Variants in ABCB5 observed in about 807,000 individuals in gnomAD.
ABCB5 encodes the protein ATP-binding cassette sub-family B member 5.
ABCB5 carries 155 observed loss-of-function variants against 144.2 expected under a neutral mutation model. The observed-to-expected ratio is 1.08, with a 90% confidence interval of 0.94 to 1.23. The LOEUF (loss-of-function observed/expected upper bound fraction) is 1.23, where lower values mean the gene tolerates loss of function less well. Ranked by LOEUF, ABCB5 falls within the 50% of genes most tolerant of loss-of-function variation. The pLI, the probability that ABCB5 is intolerant of heterozygous loss-of-function variation, is 0.00. For missense variants in ABCB5, 1,830 were observed against 1,520.8 expected, an observed-to-expected ratio of 1.20 and a Z score of -3.38; for synonymous variants, 610 against 528.6, an observed-to-expected ratio of 1.15 and a Z score of -2.11.
At chr7:20,688,764 A>G (rs1308712965) in intron 16 of ABCB5, among the ~76,000 whole-genome samples, 4 of 152,308 alleles carry the variant, frequency 2.6e-5, no homozygotes, top group African/African-American at 7.2e-5. Flanking sequence ...TGTGGCACAT[A>G]TACACCATGG....
intron 16 of ABCB5, 81 bp downstream of exon 16, chr7:20,685,917 A>G: frequency 3.0e-6 from 4 of 1,355,660 alleles, no homozygotes; most frequent in Non-Finnish European, 3.9e-6. Context: ...AAATTTATTT[A>G]TAGTAAAATA....
At chr7:20,722,942 A>G (rs1781919804) in intron 20 of ABCB5, 74 bp from the exon 21 acceptor site, 6 of 1,334,078 alleles carry the variant, frequency 4.5e-6, no homozygotes, top group African/African-American at 1.5e-5. Context: ...CTTGTTTTGC[A>G]AGGAACTATA....
intron 14 of ABCB5, among the ~76,000 whole-genome samples, chr7:20,676,000 T>TA (rs1406034862): frequency 6.6e-6 from 1 of 150,806 alleles, no homozygotes; most frequent in Non-Finnish European, 1.5e-5. Context: ...TGACTATTGT[T>TA]AAAAAATAAA....
chr7:20,637,917 A>G (rs1422572843), intron 5 of ABCB5, among the ~76,000 whole-genome samples: 1 of 152,178 alleles, frequency 6.6e-6, no homozygotes, highest in Admixed American at 6.5e-5. Context: ...GGAATCAGAA[A>G]GCTAAGGCCT....
chr7:20,624,387 A>G (rs1783863591), intron 2 of ABCB5, among the ~76,000 whole-genome samples: 1 of 152,228 alleles, frequency 6.6e-6, no homozygotes, highest in African/African-American at 2.4e-5. Flanking sequence ...GGTCATGATA[A>G]TAATACACTA....
At chr7:20,698,601 C>A in intron 17 of ABCB5, 51 bp downstream of exon 17, 1 of 1,510,500 alleles carries the variant, frequency 6.6e-7, no homozygotes, top group South Asian at 1.3e-5. Context: ...GAAAGTATGA[C>A]CTGAGAGAAC....
chr7:20,728,437 C>T lies in ABCB5; in HGVS notation c.2849C>T (p.Thr950Ile), dbSNP rs1159648965. 6.2e-7 allele frequency: 1 copy of T among 1,614,082 alleles called. No homozygotes were observed. Among genetic ancestry groups the T allele is most frequent in the Non-Finnish European group, 8.5e-7 (1 of 1,179,986 alleles). ...GAYLIQAGRM[T>I]PEGMFIVFTA... is the part of the protein sequence containing the mutation. ...TATTTAATTCAAGCTGGACGAATGACCCCAGAGGGCATGTTCATGTAAGTC... is the reference window on the plus strand; with the variant it reads ...TATTTAATTCAAGCTGGACGAATGATCCCAGAGGGCATGTTCATGTAAGTC... The change falls in exon 23 of 28, where the codon ACC becomes ATC. Residue 950 changes from threonine to isoleucine, a missense_variant. Thr to Ile is a moderately conservative substitution (Grantham distance 89). Coordinates refer to ENST00000404938, the MANE Select transcript of ABCB5 (RefSeq NM_001163941.2).
At chr7:20,743,624 A>C (rs774417176) in intron 25 of ABCB5, among the ~76,000 whole-genome samples, 8 of 152,010 alleles carry the variant, frequency 5.3e-5, no homozygotes, top group Non-Finnish European at 8.8e-5. Context: ...ACTATACCTT[A>C]TATTGTGGTT....
intron 15 of ABCB5, among the ~76,000 whole-genome samples, chr7:20,682,477 A>G (rs897009186): frequency 2.0e-5 from 3 of 152,150 alleles, no homozygotes; most frequent in African/African-American, 7.2e-5. Context: ...CATAAAGGAC[A>G]AATTCAGGTA....
chr7:20,733,284 C>T (rs970093335), intron 23 of ABCB5, among the ~76,000 whole-genome samples: 3 of 152,018 alleles, frequency 2.0e-5, no homozygotes, highest in Non-Finnish European at 2.9e-5. Flanking sequence ...GTTTTTCAAA[C>T]ATTCGAGTAT....
At chr7:20,655,479 C>CCA (rs1784755690) in intron 13 of ABCB5, among the ~76,000 whole-genome samples, 1 of 151,698 alleles carries the variant, frequency 6.6e-6, no homozygotes, top group African/African-American at 2.4e-5. Context: ...CTCCCCCGCA[C>CCA]CTCCCCCCAG....
At chr7:20,727,596 G>A (rs535291682) in intron 22 of ABCB5, among the ~76,000 whole-genome samples, 21 of 152,188 alleles carry the variant, frequency 1.4e-4, no homozygotes, top group South Asian at 6.2e-4. Context: ...TTAGCTGGGT[G>A]TGGTGGTGCA....
intron 5 of ABCB5, among the ~76,000 whole-genome samples, chr7:20,636,964 G>A (rs149153729): frequency 3.9e-5 from 6 of 152,044 alleles, no homozygotes; most frequent in East Asian, 1.9e-4. Context: ...CCTTCTATCC[G>A]ATACATAGGA....
intron 16 of ABCB5, among the ~76,000 whole-genome samples, chr7:20,688,997 T>C (rs1448144315): frequency 6.6e-6 from 1 of 151,684 alleles, no homozygotes; most frequent in Non-Finnish European, 1.5e-5. Context: ...GGGATAGCAT[T>C]AGGAGATATA....
chr7:20,753,477 A>C lies in ABCB5; in HGVS notation c.3547A>C (p.Thr1183Pro), dbSNP rs200759253. Residue 1183 changes from threonine (T) to proline (P), a missense_variant, in exon 27 of 28, where the codon ACT (threonine) becomes CCT (proline). Thr to Pro is a conservative substitution (Grantham distance 38). Transcript: ENST00000404938. ...CAAAATTTTATTGTTGGATGAGGCC[A>C]CTTCAGCCCTCGATAATGACAGTGA... ...KPKILLLDEA[T>P]SALDNDSEKV... 164 of 1,613,900 alleles carry C rather than the reference A, an allele frequency of 1.0e-4. 1 individual carries two copies. The East Asian group carries it at 3.4e-3, about 33-fold the overall frequency.
intron 14 of ABCB5, among the ~76,000 whole-genome samples, chr7:20,665,688 G>A (rs920307515): frequency 2.0e-5 from 3 of 151,612 alleles, no homozygotes; most frequent in African/African-American, 7.3e-5. Context: ...TTCAAGCAAT[G>A]CAGTGATCCA....
chr7:20,690,013 G>A (rs1786161552), intron 16 of ABCB5, among the ~76,000 whole-genome samples: 1 of 152,140 alleles, frequency 6.6e-6, no homozygotes, highest in Non-Finnish European at 1.5e-5. Context: ...ATCATGACAA[G>A]TTTGGATTCT....
chr7:20,724,199 C>T (rs1032644110), intron 21 of ABCB5, among the ~76,000 whole-genome samples: 13 of 149,330 alleles, frequency 8.7e-5, no homozygotes, highest in Admixed American at 5.4e-4. Context: ...TTTTTCTTGT[C>T]TTATTTATTT....
chr7:20,681,462 T>G lies in ABCB5; in HGVS notation c.1708-43T>G, dbSNP rs1308068121. 3 of 1,603,472 alleles carry G rather than the reference T, an allele frequency of 1.9e-6. No individual in the cohort carries two copies. In the South Asian group the frequency reaches 3.3e-5, roughly 18 times the overall value. On this transcript the variant is annotated intron_variant, in intron 14 of 27. Coordinates refer to ENST00000404938, the MANE Select transcript of ABCB5 (RefSeq NM_001163941.2). ...TCTTAAACAGTGCAAAGGTTGTTAT[T>G]TCTACTAATGTCTATTTATTTTCTA... is the stretch of plus-strand genomic sequence containing the variant.
Sources: gnomAD v4.1 joint callset for allele counts (sites outside exome capture counted in the v4.1 genomes callset) on GRCh38, gnomAD v4.1.1 for gene constraint, MANE v1.5 for transcripts, NCBI Gene and HGNC (gene_info 2026-07-23, HGNC 2026-07-21) for gene names.